Variants in ACSS3 observed in about 807,000 individuals in gnomAD.
ACSS3 encodes acyl-CoA synthetase short-chain family member 3, mitochondrial.
In ACSS3, 64 loss-of-function variants were observed where a neutral mutation model predicts 84.2. The observed-to-expected ratio is 0.76, with a 90% CI of 0.62 to 0.94. The LOEUF is 0.94. ACSS3 is among the 40% of genes least tolerant of loss of function. The pLI is 0.00. For synonymous variants in ACSS3, 317 were observed against 310.1 expected, an observed-to-expected ratio of 1.02 and a Z score of -0.23; for missense variants, 815 against 867.6, an observed-to-expected ratio of 0.94 and a Z score of 0.76.
At chr12:81,177,488 C>T (rs1194012745) in intron 8 of ACSS3, among the ~76,000 whole-genome samples, 2 of 152,060 alleles carry the variant, frequency 1.3e-5, no homozygotes, top group African/African-American at 2.4e-5. Flanking sequence ...TCAAGAGCCT[C>T]TGCACAGCAA....
chr12:81,157,931 T>TACACACACACAC (rs35855433), intron 7 of ACSS3, among the ~76,000 whole-genome samples: 13 of 144,214 alleles, frequency 9.0e-5, no homozygotes, highest in East Asian at 2.1e-4. Flanking sequence ...GATTACAGAA[T>TACACACACACAC]ACACACACAC....
At chr12:81,211,104 CTACTGGGTGTGCA>C (rs2032573762) in intron 9 of ACSS3, among the ~76,000 whole-genome samples, 1 of 151,848 alleles carries the variant, frequency 6.6e-6, no homozygotes, top group Non-Finnish European at 1.5e-5. Flanking sequence ...ATAGCTGGGA[CTACTGGGTGTGCA>C]CCACCATACT....
intron 8 of ACSS3, among the ~76,000 whole-genome samples, chr12:81,191,407 A>T (rs2031562832): frequency 6.6e-6 from 1 of 151,930 alleles, no homozygotes; most frequent in South Asian, 2.1e-4. Flanking sequence ...TTCCTTTCTT[A>T]TACTCTTACT....
intron 1 of ACSS3, among the ~76,000 whole-genome samples, chr12:81,084,694 GA>G (rs2121287453): frequency 6.6e-6 from 1 of 152,276 alleles, no homozygotes; most frequent in East Asian, 1.9e-4. Flanking sequence ...GGAAATGGAT[GA>G]GACATTCAAA....
intron 9 of ACSS3, among the ~76,000 whole-genome samples, chr12:81,214,633 G>A (rs930918583): frequency 6.6e-6 from 1 of 152,208 alleles, no homozygotes; most frequent in Non-Finnish European, 1.5e-5. Context: ...AGGCAGTGAA[G>A]AAGGACAACG....
intron 11 of ACSS3, among the ~76,000 whole-genome samples, chr12:81,223,002 G>A (rs1270646518): frequency 2.6e-5 from 4 of 152,044 alleles, no homozygotes; most frequent in Non-Finnish European, 5.9e-5. Context: ...ATGAATTTTA[G>A]AAGGTATTCG....
intron 11 of ACSS3, among the ~76,000 whole-genome samples, chr12:81,229,866 G>A (rs1037557425): frequency 2.8e-5 from 4 of 144,086 alleles, no homozygotes; most frequent in African/African-American, 2.5e-5. Context: ...AGAAGTGGGC[G>A]ATATCTGCTG....
upstream of ACSS3, chr12:81,077,938 C>T: frequency 3.0e-6 from 2 of 667,716 alleles, no homozygotes; most frequent in South Asian, 2.6e-5. Context: ...CCCACTTTAG[C>T]CTGTTGCTTC....
At chr12:81,227,410 C>CAT (rs1176051170) in intron 11 of ACSS3, among the ~76,000 whole-genome samples, 1 of 151,584 alleles carries the variant, frequency 6.6e-6, no homozygotes, top group Non-Finnish European at 1.5e-5. Context: ...CACACACACA[C>CAT]ACACACACAC....
intron 7 of ACSS3, among the ~76,000 whole-genome samples, chr12:81,160,518 T>A (rs921321136): frequency 6.6e-6 from 1 of 152,218 alleles, no homozygotes; most frequent in Non-Finnish European, 1.5e-5. Context: ...GCTCTGCCTT[T>A]ATGTACCTAT....
chr12:81,209,080 G>T (rs1485970559), intron 9 of ACSS3, among the ~76,000 whole-genome samples: 6 of 151,838 alleles, frequency 4.0e-5, no homozygotes, highest in Non-Finnish European at 8.8e-5. Flanking sequence ...GTTCATTTTG[G>T]GATTACATTC....
At chr12:81,225,134 A>T (rs559677109) in intron 11 of ACSS3, among the ~76,000 whole-genome samples, 1 of 151,802 alleles carries the variant, frequency 6.6e-6, no homozygotes, top group African/African-American at 2.4e-5. Flanking sequence ...AACATATTCC[A>T]TGTAGATAAA....
At chr12:81,238,501 A>G (rs2033697738) in intron 13 of ACSS3, among the ~76,000 whole-genome samples, 2 of 151,826 alleles carry the variant, frequency 1.3e-5, no homozygotes, top group Admixed American at 6.6e-5. Context: ...TTCACCTGGT[A>G]CTTTCAGTTT....
At chr12:81,174,582 A>C (rs2030329261) in intron 7 of ACSS3, 1 of 452,524 alleles carries the variant, frequency 2.2e-6, no homozygotes, top group Admixed American at 3.9e-5. Context: ...GAAAGGTTTT[A>C]GGATACTAAA....
rs1464114477 is a variant in ACSS3, at chr12:81,260,775, T to C, written c.*5853T>C. 2 of 152,222 alleles carry C rather than the reference T, an allele frequency of 1.3e-5. No individual in the cohort carries two copies. Among genetic ancestry groups the C allele is most frequent in the Non-Finnish European group, 2.9e-5 (2 of 68,042 alleles). The allele number at this position is 152,222 out of a possible 1,614,324, so 9.4% of individuals were successfully genotyped here. ...ACAAGGTGAGTTGTTCCTCTGTCTA[T>C]AACTGTTTTCTCTTAACCCTGTGCA... On this transcript the variant is annotated 3_prime_UTR_variant, in exon 16 of 16. Transcript: ENST00000548058.
In ACSS3 at chr12:81,256,005, G is replaced by A. The variant is rs1241900160; in HGVS notation, c.*1083G>A. ...GTAGGGTGGCAAGGAAAACTCTTAA[G>A]AGAGAAACATCAAGGTTTTCACATT... On this transcript the variant is annotated 3_prime_UTR_variant, in exon 16 of 16. Coordinates refer to ENST00000548058, the MANE Select transcript of ACSS3 (RefSeq NM_024560.4). 2.0e-5 allele frequency: 3 copies of A among 152,210 alleles called. No homozygotes were observed. The highest frequency in any genetic ancestry group is 2.9e-5 in the Non-Finnish European group (2 of 68,046). 9.4% of individuals were successfully genotyped at this position (152,210 alleles called of 1,614,324 possible).
intron 7 of ACSS3, among the ~76,000 whole-genome samples, chr12:81,160,300 T>C (rs1362596603): frequency 1.3e-5 from 2 of 152,226 alleles, no homozygotes; most frequent in Non-Finnish European, 2.9e-5. Context: ...ACAAGCCTTT[T>C]CAATAAATTC....
chr12:81,093,715 A>G (rs73357229), intron 1 of ACSS3, among the ~76,000 whole-genome samples: 7,872 of 152,156 alleles, frequency 0.052, 482 homozygotes, highest in African/African-American at 0.15. Context: ...TTACATAACT[A>G]TAGTACATTA....
At chr12:81,218,344 A>G (rs937442617) in intron 10 of ACSS3, among the ~76,000 whole-genome samples, 1 of 152,178 alleles carries the variant, frequency 6.6e-6, no homozygotes, top group Non-Finnish European at 1.5e-5. Context: ...GCTTTGGGAG[A>G]CAAAATATGA....
Sources: allele counts gnomAD v4.1 joint callset (sites outside exome capture counted in the v4.1 genomes callset), GRCh38; gene constraint gnomAD v4.1.1; transcripts MANE v1.5; gene names NCBI Gene and HGNC (gene_info 2026-07-23, HGNC 2026-07-21).